DNM1L: variants seen among roughly 807,000 people sequenced by gnomAD.
DNM1L encodes the protein dynamin 1L.
Under a neutral mutation model 92.8 loss-of-function variants are expected in DNM1L, and 33 were observed. The observed-to-expected ratio is 0.36, with a 90% CI of 0.27 to 0.48. The LOEUF is 0.48. Among genes scored for constraint, DNM1L ranks in the 20% least tolerant of loss-of-function variants. The probability of loss-of-function intolerance (pLI) is 0.99; values close to 1 mark genes in which losing one functional copy is unlikely to be tolerated. For missense variants in DNM1L, 485 were observed against 888.8 expected (o/e 0.55, Z 5.78); for synonymous variants, 284 against 305.0 (o/e 0.93, Z 0.72).
At chr12:32,732,867 C>T (rs1235716169) in intron 12 of DNM1L, among the ~76,000 whole-genome samples, 3 of 152,118 alleles carry the variant, frequency 2.0e-5, no homozygotes, top group African/African-American at 7.2e-5. Context: ...GAAGTCGAGG[C>T]GGGTGGATCA....
At chr12:32,719,405 A>T (rs1953702307) in intron 7 of DNM1L, among the ~76,000 whole-genome samples, 2 of 152,236 alleles carry the variant, frequency 1.3e-5, no homozygotes, top group East Asian at 1.9e-4. Context: ...TGTGCACCCA[A>T]TCGAGAAAGA....
intron 16 of DNM1L, 109 bp downstream of exon 16, chr12:32,738,405 CTGTGT>C (rs1339234328): frequency 8.2e-7 from 1 of 1,222,798 alleles, no homozygotes; most frequent in Non-Finnish European, 1.2e-6. Context: ...TATCTCTTGT[CTGTGT>C]TATGTTCTTA....
At chr12:32,689,230 T>C (rs1415822027) in intron 1 of DNM1L, among the ~76,000 whole-genome samples, 1 of 152,300 alleles carries the variant, frequency 6.6e-6, no homozygotes, top group East Asian at 1.9e-4. Flanking sequence ...AGAGTTTCGC[T>C]CTCGTTGCCC....
rs1955376146 is a variant in DNM1L, at chr12:32,742,475, T to C, written c.1995-114T>C. The C allele has an allele frequency of 1.2e-5, 15 of 1,287,148 alleles. No individual in the cohort carries two copies. The South Asian group carries it at 1.9e-4, about 16-fold the overall frequency. The allele number at this position is 1,287,148 out of a possible 1,614,324, so 79.7% of individuals were successfully genotyped here. On this transcript the variant is annotated intron_variant, in intron 18 of 19. Coordinates refer to ENST00000549701, the MANE Select transcript of DNM1L (RefSeq NM_012062.5). ...AAGGGCGATTATGCCATTAATGAAA[T>C]ATCCAAAGTAGTAGTGTTCTTACTT...
intron 9 of DNM1L, chr12:32,727,087 C>T (rs530234430): frequency 1.5e-5 from 11 of 725,026 alleles, no homozygotes; most frequent in East Asian, 5.3e-5. Flanking sequence ...TTTTCTTCAT[C>T]GTTTTTCTCA....
intron 1 of DNM1L, among the ~76,000 whole-genome samples, chr12:32,682,714 C>T (rs1166876328): frequency 6.6e-6 from 1 of 152,164 alleles, no homozygotes; most frequent in East Asian, 1.9e-4. Context: ...CCATTGCTGA[C>T]CCCTAAATGT....
At chr12:32,689,070 C>T (rs957224821) in intron 1 of DNM1L, among the ~76,000 whole-genome samples, 1 of 152,056 alleles carries the variant, frequency 6.6e-6, no homozygotes, top group Non-Finnish European at 1.5e-5. Context: ...GAGACCTGGT[C>T]TCTTAAGAAC....
intron 2 of DNM1L, chr12:32,706,800 G>C (rs1323478559): frequency 1.7e-5 from 7 of 423,906 alleles, no homozygotes; most frequent in Admixed American, 1.4e-4. Context: ...GGAACAGCAA[G>C]TTGTGGCTCT....
chr12:32,720,610 G>A, intron 7 of DNM1L, 54 bp from the exon 8 acceptor site: 3 of 1,611,110 alleles, frequency 1.9e-6, no homozygotes, highest in Admixed American at 1.7e-5. Flanking sequence ...ATCATCTAAG[G>A]TAGGAAGAGG....
intron 9 of DNM1L, chr12:32,726,737 G>T (rs1237086918): frequency 1.6e-6 from 1 of 621,408 alleles, no homozygotes; most frequent in African/African-American, 1.8e-5. Flanking sequence ...GCTGCTTAAT[G>T]GTTTTCAAAA....
chr12:32,684,082 A>C (rs1269707097), intron 1 of DNM1L, among the ~76,000 whole-genome samples: 1 of 152,232 alleles, frequency 6.6e-6, no homozygotes, highest in African/African-American at 2.4e-5. Flanking sequence ...AAGTATACAC[A>C]ACTCAGCAGC....
chr12:32,733,473 A>G, intron 12 of DNM1L: 1 of 474,622 alleles, frequency 2.1e-6, no homozygotes. Context: ...TAGTTACTTT[A>G]ATGTTATTTT....
intron 13 of DNM1L, 149 bp from the exon 14 acceptor site, chr12:32,736,935 GTTAAATGATTTCTTATTTATT>G: frequency 1.5e-6 from 1 of 669,108 alleles, no homozygotes; most frequent in Non-Finnish European, 2.5e-6. Context: ...GAAGCTTTGG[GTTAAATGATTTCTTATTTATT>G]TTAAAATATG....
At chr12:32,727,543 T>C (rs2137490151) in intron 9 of DNM1L, 2 of 556,622 alleles carry the variant, frequency 3.6e-6, no homozygotes, top group East Asian at 2.9e-5. Flanking sequence ...AAAAAACCAC[T>C]CTTAATTTCA....
chr12:32,731,632 C>T lies in DNM1L; in HGVS notation c.1356+121C>T. The T allele has an allele frequency of 7.8e-7, 1 of 1,285,842 alleles. No individual in the cohort carries two copies. Among genetic ancestry groups the T allele is most frequent in the South Asian group, 1.3e-5 (1 of 78,856 alleles). 79.7% of individuals were successfully genotyped at this position (1,285,842 alleles called of 1,614,324 possible). A position where few individuals can be genotyped will look rare whatever the true frequency, so the allele number is the denominator to read the frequency against. ...AAGGTAAAATCTGTAGTTCCCTTAC[C>T]TGAAAGTGATTTGAAATAGGATTCT... On this transcript the variant is annotated intron_variant, in intron 11 of 19. Transcript: ENST00000549701. This position sits in a 1 kb window ranked among gnomAD's most constrained non-coding sequence, Gnocchi z 5.1.
At chr12:32,721,414 A>G (rs1313850774) in intron 8 of DNM1L, among the ~76,000 whole-genome samples, 2 of 152,192 alleles carry the variant, frequency 1.3e-5, no homozygotes, top group African/African-American at 4.8e-5. Flanking sequence ...TGACAAGTCA[A>G]TGAAACCAAA....
At chr12:32,684,477 C>CTTTTT (rs768276200) in intron 1 of DNM1L, among the ~76,000 whole-genome samples, 18 of 146,078 alleles carry the variant, frequency 1.2e-4, no homozygotes, top group African/African-American at 1.8e-4. Context: ...CAACATAATT[C>CTTTTT]TTTTTTTTTT....
chr12:32,743,098 T>C (rs1955429450), intron 19 of DNM1L, among the ~76,000 whole-genome samples: 1 of 151,306 alleles, frequency 6.6e-6, no homozygotes, highest in Admixed American at 6.6e-5. Flanking sequence ...GGTTTCACCA[T>C]GTTAGCCAGG....
intron 18 of DNM1L, among the ~76,000 whole-genome samples, chr12:32,740,929 A>T (rs1190577485): frequency 6.6e-6 from 1 of 152,150 alleles, no homozygotes; most frequent in Non-Finnish European, 1.5e-5. Flanking sequence ...TCTCGTTCAG[A>T]ATGTTTTTTC....
Sources: gnomAD v4.1 joint callset for allele counts (sites outside exome capture counted in the v4.1 genomes callset) on GRCh38, gnomAD v4.1.1 for gene constraint, Gnocchi (gnomAD v3.1) non-coding constraint, MANE v1.5 for transcripts, NCBI Gene and HGNC (gene_info 2026-07-23, HGNC 2026-07-21) for gene names.